The following FGGY variants were observed in gnomAD, a reference collection of about 807,000 sequenced individuals.
FGGY encodes FGGY carbohydrate kinase domain containing, also known as FGGY carbohydrate kinase domain-containing protein.
FGGY carries 72 observed loss-of-function variants against 71.3 expected under a neutral mutation model. The observed-to-expected ratio is 1.01, with a 90% CI of 0.84 to 1.23. The LOEUF (loss-of-function observed/expected upper bound fraction) is 1.23, where lower values mean the gene tolerates loss of function less well. Ranked by LOEUF, FGGY falls within the 50% of genes most tolerant of loss-of-function variation. The probability of loss-of-function intolerance (pLI) is 0.00; values close to 1 mark genes in which losing one functional copy is unlikely to be tolerated. For synonymous variants in FGGY, 251 were observed against 250.3 expected, an observed-to-expected ratio of 1.00 and a Z score of -0.02; for missense variants, 668 against 682.3, an observed-to-expected ratio of 0.98 and a Z score of 0.23.
chr1:59,690,819 G>A (rs188329322), intron 14 of FGGY, among the ~76,000 whole-genome samples: 1 of 152,360 alleles, frequency 6.6e-6, no homozygotes, highest in African/African-American at 2.4e-5. Context: ...AAAGTCGCTA[G>A]CAGGTAAAAT....
At chr1:59,435,584 C>T (rs900933963) in intron 5 of FGGY, among the ~76,000 whole-genome samples, 8 of 152,176 alleles carry the variant, frequency 5.3e-5, no homozygotes, top group African/African-American at 1.9e-4. Flanking sequence ...CTCCCCTTTG[C>T]CTGTGTCTCC....
intron 14 of FGGY, among the ~76,000 whole-genome samples, chr1:59,749,134 A>T (rs1366075294): frequency 6.6e-6 from 1 of 151,760 alleles, no homozygotes; most frequent in East Asian, 1.9e-4. Flanking sequence ...GCACCACTGC[A>T]CCTCCCTCCC....
intron 7 of FGGY, among the ~76,000 whole-genome samples, chr1:59,522,368 T>C (rs2094858140): frequency 2.0e-5 from 3 of 152,222 alleles, no homozygotes. Flanking sequence ...ATAGAGCTTC[T>C]GCTTAATATC....
intron 7 of FGGY, among the ~76,000 whole-genome samples, chr1:59,534,197 G>T (rs756033368): frequency 5.3e-5 from 8 of 152,138 alleles, no homozygotes; most frequent in Non-Finnish European, 1.0e-4. Context: ...GAAGCCTCAG[G>T]AGCCGATGCG....
chr1:59,535,774 T>A (rs1570860524), intron 7 of FGGY, among the ~76,000 whole-genome samples: 1 of 148,908 alleles, frequency 6.7e-6, no homozygotes. Context: ...AAGATCTTCT[T>A]TGAAACCAAC....
chr1:59,482,650 A>ATATG (rs1407867334), intron 6 of FGGY, among the ~76,000 whole-genome samples: 1 of 151,214 alleles, frequency 6.6e-6, no homozygotes, highest in African/African-American at 2.4e-5. Flanking sequence ...ATATATATAT[A>ATATG]TAAACACCAT....
chr1:59,649,045 A>C (rs1186964524), intron 11 of FGGY, among the ~76,000 whole-genome samples: 3 of 151,610 alleles, frequency 2.0e-5, no homozygotes, highest in African/African-American at 7.3e-5. Flanking sequence ...GGTTTGTCAA[A>C]GATCAGATAG....
At chr1:59,348,014 C>T (rs568283305) in intron 4 of FGGY, among the ~76,000 whole-genome samples, 3,714 of 152,200 alleles carry the variant, frequency 0.024, 173 homozygotes, top group African/African-American at 0.085. Context: ...TCAGAGTGAA[C>T]AGGCAACCTA....
chr1:59,417,871 C>T (rs1345596648), intron 5 of FGGY, among the ~76,000 whole-genome samples: 2 of 152,030 alleles, frequency 1.3e-5, no homozygotes, highest in African/African-American at 2.4e-5. Context: ...AACTTAGTTC[C>T]TCAGTCATAC....
intron 14 of FGGY, among the ~76,000 whole-genome samples, chr1:59,692,506 T>C (rs969579298): frequency 1.2e-4 from 19 of 152,058 alleles, no homozygotes; most frequent in Admixed American, 1.0e-3. Flanking sequence ...GCCTCTGTTT[T>C]AAGCAAAAGG....
chr1:59,526,325 AAG>A (rs1324140962), intron 7 of FGGY, among the ~76,000 whole-genome samples: 2 of 152,220 alleles, frequency 1.3e-5, no homozygotes, highest in African/African-American at 2.4e-5. Flanking sequence ...TACCTTAATG[AAG>A]AGAGGAAATA....
At chr1:59,648,714 A>C (rs977568137) in intron 11 of FGGY, among the ~76,000 whole-genome samples, 30 of 150,818 alleles carry the variant, frequency 2.0e-4, no homozygotes, top group African/African-American at 7.5e-4. Context: ...GTTCAGTCTG[A>C]TGGTAGTTTC....
chr1:59,666,805 G>C (rs1439660624), intron 12 of FGGY, among the ~76,000 whole-genome samples: 1 of 152,176 alleles, frequency 6.6e-6, no homozygotes, highest in Non-Finnish European at 1.5e-5. Flanking sequence ...CTCTTTCCAT[G>C]ATTCTGCTGC....
At chr1:59,483,480 C>A (rs612014) in intron 6 of FGGY, among the ~76,000 whole-genome samples, 67,206 of 151,938 alleles carry the variant, frequency 0.44, 15,120 homozygotes, top group Middle Eastern at 0.52. Context: ...TAAAATACTT[C>A]TCTAGGATTT....
intron 5 of FGGY, among the ~76,000 whole-genome samples, chr1:59,435,080 A>G (rs2068147973): frequency 6.6e-6 from 1 of 152,190 alleles, no homozygotes; most frequent in African/African-American, 2.4e-5. Context: ...TTAGTGAGAC[A>G]ATGAGAATAT....
chr1:59,378,973 T>TTGAA, intron 5 of FGGY, 136 bp downstream of exon 5: 1 of 674,656 alleles, frequency 1.5e-6, no homozygotes, highest in Non-Finnish European at 2.5e-6. Context: ...ATGAAACATC[T>TTGAA]TGAATCTATC....
At chr1:59,537,029 T>C (rs546183339) in intron 7 of FGGY, among the ~76,000 whole-genome samples, 39 of 152,048 alleles carry the variant, frequency 2.6e-4, no homozygotes, top group African/African-American at 8.7e-4. Context: ...ATAAAGGGTA[T>C]TCAATTAGGA....
intron 7 of FGGY, among the ~76,000 whole-genome samples, chr1:59,527,400 G>A (rs1466498004): frequency 6.6e-6 from 1 of 152,140 alleles, no homozygotes; most frequent in Non-Finnish European, 1.5e-5. Context: ...AGTGTTTCAC[G>A]ATCACTGTTT....
chr1:59,434,854 C>A (rs56812981), intron 5 of FGGY, among the ~76,000 whole-genome samples: 3,646 of 152,254 alleles, frequency 0.024, 164 homozygotes, highest in African/African-American at 0.085. Context: ...GGGGGGGATA[C>A]ACACACTGTC....
Sources: allele counts gnomAD v4.1 joint callset (sites outside exome capture counted in the v4.1 genomes callset), GRCh38; gene constraint gnomAD v4.1.1; transcripts MANE v1.5; gene names NCBI Gene and HGNC (gene_info 2026-07-23, HGNC 2026-07-21).